MAST4: variants seen among roughly 807,000 people sequenced by gnomAD.
MAST4 encodes the protein microtubule associated serine/threonine kinase family member 4, also known as microtubule-associated serine/threonine-protein kinase 4.
Under a neutral mutation model 162.7 loss-of-function variants are expected in MAST4, and 89 were observed. The ratio of observed to expected loss-of-function variants is 0.55; its 90% confidence interval spans 0.46 to 0.65. The LOEUF (loss-of-function observed/expected upper bound fraction) is 0.65. MAST4 is among the 30% of genes least tolerant of loss of function. The probability of loss-of-function intolerance (pLI) is 0.00; values close to 1 mark genes in which losing one functional copy is unlikely to be tolerated. For synonymous variants in MAST4, 1,479 were observed against 1,361.1 expected (o/e 1.09, Z -1.91); for missense variants, 3,153 against 3,374.0 (o/e 0.93, Z 1.62).
chr5:67,116,207 TG>T (rs1302298584), intron 12 of MAST4, among the ~76,000 whole-genome samples: 2 of 151,926 alleles, frequency 1.3e-5, no homozygotes, highest in Non-Finnish European at 2.9e-5. Context: ...TTTGTTTGTT[TG>T]TTTTGTTTTG....
At chr5:66,781,179 C>G (rs919974276) in intron 2 of MAST4, among the ~76,000 whole-genome samples, 1 of 152,094 alleles carries the variant, frequency 6.6e-6, no homozygotes, top group African/African-American at 2.4e-5. Context: ...CTATTTGAGC[C>G]CCTACTTTTA....
In MAST4 at chr5:67,086,480, ATGT is replaced by A. The variant is rs1763247798; in HGVS notation, c.764-3681_764-3679del. Among the ~76,000 whole-genome samples, 6 of 152,344 alleles carry A rather than the reference ATGT, an allele frequency of 3.9e-5. No homozygotes were observed. The South Asian group carries it at 1.2e-3, about 32-fold the overall frequency. ...AAAGTATGTTTTTCCTACACTGTTTATGTATTAGCCATGCTAGTTCCCCAGGGG... is the reference window on the plus strand; with the variant it reads ...AAAGTATGTTTTTCCTACACTGTTTAATTAGCCATGCTAGTTCCCCAGGGG... On this transcript the variant is annotated intron_variant, in intron 5 of 28. Coordinates refer to ENST00000403625, the MANE Select transcript of MAST4 (RefSeq NM_001164664.2).
At chr5:66,859,756 G>A (rs16895741) in intron 3 of MAST4, among the ~76,000 whole-genome samples, 1,980 of 152,288 alleles carry the variant, frequency 0.013, 53 homozygotes, top group African/African-American at 0.046. Flanking sequence ...AAGACAGCAC[G>A]GTCCATGAGC....
chr5:67,165,943 G>C lies in MAST4; in HGVS notation c.6764G>C (p.Gly2255Ala). Reference sequence around the variant, plus strand: ...CCGGATGTGTTTCCTGCTACCCCAGGCTCCCAGAACAAAGCCAGCGATGGG... The same window carrying C: ...CCGGATGTGTTTCCTGCTACCCCAGCCTCCCAGAACAAAGCCAGCGATGGG... ...SGPDVFPATP[G>A]SQNKASDGIG... The change falls in exon 29 of 29, where the codon GGC (glycine) becomes GCC (alanine). Residue 2255 changes from glycine to alanine, a missense_variant. By Grantham distance (60) the Gly-to-Ala change is moderately conservative (BLOSUM62 0). Transcript: ENST00000403625. The C allele has an allele frequency of 6.2e-6, 10 of 1,613,424 alleles. No individual in the cohort carries two copies. Among genetic ancestry groups the C allele is most frequent in the Non-Finnish European group, 8.5e-6 (10 of 1,179,848 alleles).
intron 4 of MAST4, among the ~76,000 whole-genome samples, chr5:66,939,609 T>C (rs1470982498): frequency 6.6e-6 from 1 of 152,172 alleles, no homozygotes; most frequent in African/African-American, 2.4e-5. Flanking sequence ...TTTTCTGAGG[T>C]AATCTTTTGT....
At chr5:66,900,743 GT>G (rs1762959316) in intron 4 of MAST4, among the ~76,000 whole-genome samples, 1 of 152,014 alleles carries the variant, frequency 6.6e-6, no homozygotes, top group African/African-American at 2.4e-5. Flanking sequence ...TTTAAGATAA[GT>G]TTTTGCAACT....
chr5:67,110,046 C>T, intron 10 of MAST4, 52 bp from the exon 11 acceptor site: 1 of 1,320,906 alleles, frequency 7.6e-7, no homozygotes, highest in South Asian at 1.2e-5. Flanking sequence ...ATTTTCTTTT[C>T]CATTTAATGG....
chr5:66,785,258 A>G (rs1430413122), intron 2 of MAST4, among the ~76,000 whole-genome samples: 1 of 152,166 alleles, frequency 6.6e-6, no homozygotes. Flanking sequence ...AAAAAACGCT[A>G]GGTTGCAGAC....
chr5:66,928,474 A>G (rs1765066728), intron 4 of MAST4, among the ~76,000 whole-genome samples: 1 of 152,206 alleles, frequency 6.6e-6, no homozygotes. Flanking sequence ...TTCACGCTCA[A>G]TCCGGGCTTT....
intron 1 of MAST4, among the ~76,000 whole-genome samples, chr5:66,717,932 A>C (rs1232334718): frequency 6.6e-6 from 1 of 152,162 alleles, no homozygotes; most frequent in East Asian, 1.9e-4. Flanking sequence ...CGCTGGGTCT[A>C]AGCCTGGTTC....
At chr5:66,648,167 T>TAA (rs374500759) in intron 1 of MAST4, among the ~76,000 whole-genome samples, 3 of 150,316 alleles carry the variant, frequency 2.0e-5, no homozygotes, top group Non-Finnish European at 3.0e-5. Flanking sequence ...CCATAATATA[T>TAA]AAAAAAAAAT....
intron 4 of MAST4, among the ~76,000 whole-genome samples, chr5:67,021,369 T>C (rs1753960380): frequency 6.6e-6 from 1 of 152,236 alleles, no homozygotes; most frequent in Non-Finnish European, 1.5e-5. Flanking sequence ...CGTATCCCAA[T>C]TTAGCTTAGA....
intron 3 of MAST4, among the ~76,000 whole-genome samples, chr5:66,805,476 T>G (rs1303066865): frequency 1.3e-5 from 2 of 152,238 alleles, no homozygotes; most frequent in Non-Finnish European, 2.9e-5. Flanking sequence ...TTAGCATTTT[T>G]ATATCTCTGG....
chr5:66,717,059 C>T (rs1019388155), intron 1 of MAST4, among the ~76,000 whole-genome samples: 2 of 152,116 alleles, frequency 1.3e-5, no homozygotes, highest in Non-Finnish European at 1.5e-5. Context: ...GGGAGGGAAG[C>T]GAGGCTTTCC....
Position 67,163,726 on chromosome 5 carries a change from G to A in MAST4, c.4547G>A (p.Arg1516Gln). ...EQGCLKRPVS[R>Q]KVGRQESVDD... is the part of the protein sequence containing the mutation. ...GGCTGCCTGAAACGCCCAGTCTCCC[G>A]GAAGGTGGGCCGCCAGGAGTCTGTG... Residue 1516 changes from arginine to glutamine, a missense_variant, in exon 29 of 29, where the codon CGG becomes CAG. Around this residue, in one of 7 missense-constraint regions of MAST4, gnomAD observed 1,644 missense variants for 1,495.0 expected, o/e 1.10. Transcript: ENST00000403625. This position sits in a 1 kb window ranked among gnomAD's most constrained non-coding sequence, Gnocchi z 7.0. 6.2e-7 allele frequency: 1 copy of A among 1,608,740 alleles called. No individual in the cohort carries two copies. The highest frequency in any genetic ancestry group is 8.5e-7 in the Non-Finnish European group (1 of 1,177,884).
chr5:66,836,183 AT>A (rs199648823), intron 3 of MAST4, among the ~76,000 whole-genome samples: 51 of 149,100 alleles, frequency 3.4e-4, no homozygotes, highest in African/African-American at 1.2e-3. Flanking sequence ...AAAAAAAAAA[AT>A]CATGCTTTTG....
At chr5:66,699,418 G>A (rs1749620949) in intron 1 of MAST4, among the ~76,000 whole-genome samples, 1 of 152,058 alleles carries the variant, frequency 6.6e-6, no homozygotes, top group Admixed American at 6.5e-5. Flanking sequence ...TGTTTTTGTT[G>A]ATGTTCATCC....
At chr5:67,054,124 A>C (rs1758513947) in intron 4 of MAST4, among the ~76,000 whole-genome samples, 1 of 152,236 alleles carries the variant, frequency 6.6e-6, no homozygotes, top group Non-Finnish European at 1.5e-5. Flanking sequence ...TGTGTATGGC[A>C]TGTTACATAT....
At chr5:66,823,043 G>A (rs1015130601) in intron 3 of MAST4, among the ~76,000 whole-genome samples, 2 of 152,146 alleles carry the variant, frequency 1.3e-5, no homozygotes, top group African/African-American at 4.8e-5. Flanking sequence ...CCCCCATGCT[G>A]TTCTCATGGT....
Sources: gnomAD v4.1 joint callset for allele counts (sites outside exome capture counted in the v4.1 genomes callset) on GRCh38, gnomAD v4.1.1 for gene constraint, gnomAD v4.1.1 regional missense constraint, Gnocchi (gnomAD v3.1) non-coding constraint, MANE v1.5 for transcripts, NCBI Gene and HGNC (gene_info 2026-07-23, HGNC 2026-07-21) for gene names.